Variants in CD163L1 observed in about 807,000 individuals in gnomAD.
CD163L1 encodes scavenger receptor cysteine-rich type 1 protein M160.
A neutral mutation model predicts 165.4 loss-of-function variants in CD163L1; 124 were observed. That is an observed-to-expected ratio of 0.75 (90% CI 0.65 to 0.87). CD163L1 has a LOEUF of 0.87. CD163L1 is among the 40% of genes least tolerant of loss of function. CD163L1 has a pLI of 0.00. For synonymous variants in CD163L1, 585 were observed against 662.2 expected, an observed-to-expected ratio of 0.88 and a Z score of 1.79; for missense variants, 1,525 against 1,799.9, an observed-to-expected ratio of 0.85 and a Z score of 2.76.
chr12:7,320,542 T>C, the CD163L1 span, among the ~76,000 whole-genome samples: 7 of 152,340 alleles, frequency 4.6e-5, no homozygotes, highest in African/African-American at 1.7e-4. Context: ...TTTTCAGTAA[T>C]TGGAAATTCC....
the CD163L1 span, chr12:7,322,406 C>A: frequency 5.7e-4 from 912 of 1,613,448 alleles, 3 homozygotes; most frequent in African/African-American, 8.9e-3. Flanking sequence ...CCATGCAACT[C>A]TGTCTCTCCA....
chr12:7,413,993 G>C (rs1201905846), intron 4 of CD163L1, among the ~76,000 whole-genome samples: 1 of 152,024 alleles, frequency 6.6e-6, no homozygotes, highest in Non-Finnish European at 1.5e-5. Context: ...CAAAGCATCA[G>C]TAAAGACTAG....
At chr12:7,367,567 C>T in intron 17 of CD163L1, 2 of 340,276 alleles carry the variant, frequency 5.9e-6, no homozygotes, top group African/African-American at 2.1e-5. Context: ...TTACTATGTG[C>T]TGGCCATTTT....
chr12:7,380,309 A>G (rs79856143), intron 8 of CD163L1, among the ~76,000 whole-genome samples: 2,324 of 81,346 alleles, frequency 0.029, 36 homozygotes, highest in East Asian at 0.1. Flanking sequence ...GTGTATACAC[A>G]TATACATACA....
At chr12:7,436,746 T>C (rs1440138049) in intron 2 of CD163L1, among the ~76,000 whole-genome samples, 2 of 151,912 alleles carry the variant, frequency 1.3e-5, no homozygotes, top group African/African-American at 4.8e-5. Flanking sequence ...AACTACAAAT[T>C]TGGCACTAAT....
At chr12:7,358,778 G>A (rs1454554175) in intron 18 of CD163L1, among the ~76,000 whole-genome samples, 1 of 152,140 alleles carries the variant, frequency 6.6e-6, no homozygotes, top group East Asian at 1.9e-4. Flanking sequence ...ATGTGAGAGA[G>A]ATGTTGAAAT....
the CD163L1 span, chr12:7,320,649 CAG>C: frequency 8.2e-7 from 1 of 1,224,916 alleles, no homozygotes; most frequent in Non-Finnish European, 1.2e-6. Flanking sequence ...AAGAAAATAA[CAG>C]GGTGTAGATA....
chr12:7,332,636 C>T, the CD163L1 span, among the ~76,000 whole-genome samples: 1 of 152,196 alleles, frequency 6.6e-6, no homozygotes, highest in East Asian at 1.9e-4. Context: ...ATTCAACATT[C>T]TTAAAGAAAA....
the CD163L1 span, among the ~76,000 whole-genome samples, chr12:7,337,088 T>C: frequency 0.059 from 8,986 of 152,154 alleles, 406 homozygotes; most frequent in Non-Finnish European, 0.089. Context: ...CACTATTTAA[T>C]AATGATGTTG....
chr12:7,352,945 C>CA (rs924458650), downstream of CD163L1, among the ~76,000 whole-genome samples: 8 of 151,266 alleles, frequency 5.3e-5, no homozygotes, highest in South Asian at 2.1e-4. Flanking sequence ...CTATACATAC[C>CA]AAAAAAAACC....
At chr12:7,352,987 G>A (rs1030913274), downstream of CD163L1, among the ~76,000 whole-genome samples, 13 of 152,134 alleles carry the variant, frequency 8.5e-5, no homozygotes, top group African/African-American at 2.9e-4. Flanking sequence ...GCTCTGAGGA[G>A]GTCCAGGTAC....
downstream of CD163L1, among the ~76,000 whole-genome samples, chr12:7,352,092 C>G (rs1477325960): frequency 6.6e-6 from 1 of 152,014 alleles, no homozygotes; most frequent in Admixed American, 6.6e-5. Context: ...TGGCAATCAT[C>G]ATATTAGCAA....
At chr12:7,335,771 C>T in the CD163L1 span, among the ~76,000 whole-genome samples, 1 of 152,238 alleles carries the variant, frequency 6.6e-6, no homozygotes, top group South Asian at 2.1e-4. Context: ...TGACAAAGGG[C>T]TAATATCCAG....
chr12:7,422,458 G>A (rs1237835960), intron 4 of CD163L1, among the ~76,000 whole-genome samples: 2 of 151,908 alleles, frequency 1.3e-5, no homozygotes, highest in Non-Finnish European at 2.9e-5. Context: ...ATGACAGAAC[G>A]AGGCTTCAGA....
chr12:7,373,715 T>G (rs1947194196), intron 13 of CD163L1, 75 bp from the exon 14 acceptor site: 2 of 1,318,262 alleles, frequency 1.5e-6, no homozygotes, highest in East Asian at 4.7e-5. Flanking sequence ...GAATCCATTT[T>G]TCCCATGGAA....
In CD163L1 at chr12:7,398,395, T is replaced by C. The variant is rs1484117266; in HGVS notation, c.1598A>G (p.Glu533Gly). 7 of 1,614,132 alleles carry C rather than the reference T, an allele frequency of 4.3e-6. No individual in the cohort carries two copies. The highest frequency in any genetic ancestry group is 4.2e-6 in the Non-Finnish European group (5 of 1,180,016). The change falls in exon 7 of 20, where the codon GAA (glutamate) becomes GGA (glycine). Residue 533 changes from glutamate to glycine, a missense_variant. Physicochemically the swap from Glu to Gly is moderately conservative, Grantham distance 98. Transcript: ENST00000313599. This position sits in a 1 kb window ranked among gnomAD's most constrained non-coding sequence, Gnocchi z 4.5. ...LHVFGMTYFK[E>G]ASGPIWLDDV... ...ATCCAGCCAAATAGGTCCTGATGCTTCTTTAAAATAGGTCATACCAAACAC... is the reference window on the plus strand; with the variant it reads ...ATCCAGCCAAATAGGTCCTGATGCTCCTTTAAAATAGGTCATACCAAACAC...
chr12:7,413,148 T>C (rs777765413), intron 4 of CD163L1, among the ~76,000 whole-genome samples: 61 of 120,752 alleles, frequency 5.1e-4, no homozygotes, highest in African/African-American at 1.9e-3. Context: ...AAAATACAAA[T>C]GAAAATAGAC....
At chr12:7,367,859 G>A (rs1314417023) in intron 17 of CD163L1, among the ~76,000 whole-genome samples, 3 of 152,146 alleles carry the variant, frequency 2.0e-5, no homozygotes, top group East Asian at 3.8e-4. Flanking sequence ...CTGACTCATC[G>A]TCTGTATGGC....
At chr12:7,412,925 T>C (rs1435469765) in intron 4 of CD163L1, among the ~76,000 whole-genome samples, 1 of 151,366 alleles carries the variant, frequency 6.6e-6, no homozygotes, top group African/African-American at 2.4e-5. Context: ...TGAAACCCCG[T>C]CTCTACTAAA....
Sources: gnomAD v4.1 joint callset for allele counts (sites outside exome capture counted in the v4.1 genomes callset) on GRCh38, gnomAD v4.1.1 for gene constraint, Gnocchi (gnomAD v3.1) non-coding constraint, MANE v1.5 for transcripts, NCBI Gene and HGNC (gene_info 2026-07-23, HGNC 2026-07-21) for gene names.